The following KCNMB2 variants were observed in gnomAD, a reference collection of about 807,000 sequenced individuals.
The protein encoded by KCNMB2 is potassium calcium-activated channel subfamily M regulatory beta subunit 2, also known as calcium-activated potassium channel subunit beta-2.
In KCNMB2, 9 loss-of-function variants were observed where a neutral mutation model predicts 24.5. The observed-to-expected ratio is 0.37, with a 90% CI of 0.22 to 0.64. The LOEUF (loss-of-function observed/expected upper bound fraction) is 0.64. Among genes scored for constraint, KCNMB2 ranks in the 30% least tolerant of loss-of-function variants. The pLI is 0.63. For synonymous variants in KCNMB2, 109 were observed against 104.4 expected (o/e 1.04, Z -0.27); for missense variants, 226 against 284.3 (o/e 0.79, Z 1.47).
At chr3:178,840,222 G>A (rs1345898818) in intron 4 of KCNMB2, among the ~76,000 whole-genome samples, 1 of 152,124 alleles carries the variant, frequency 6.6e-6, no homozygotes, top group South Asian at 2.1e-4. Context: ...TCTCACATTC[G>A]GGGCACACTG....
intron 1 of KCNMB2, among the ~76,000 whole-genome samples, chr3:178,569,358 C>T (rs985671976): frequency 2.0e-5 from 3 of 152,156 alleles, no homozygotes; most frequent in Admixed American, 6.6e-5. Flanking sequence ...TTTACCACCT[C>T]GGTTCATGTA....
chr3:178,772,606 C>T (rs190845922), intron 1 of KCNMB2, among the ~76,000 whole-genome samples: 305 of 152,250 alleles, frequency 2.0e-3, no homozygotes, highest in Admixed American at 4.1e-3. Context: ...TGTAAATTAC[C>T]CAGTCTCAGG....
At chr3:178,595,781 A>G (rs554553635) in intron 1 of KCNMB2, among the ~76,000 whole-genome samples, 25 of 152,256 alleles carry the variant, frequency 1.6e-4, no homozygotes, top group African/African-American at 5.5e-4. Flanking sequence ...TGTCTTTATT[A>G]GCAGCATGAG....
At chr3:178,837,204 A>G (rs1435894429) in intron 4 of KCNMB2, among the ~76,000 whole-genome samples, 3 of 152,212 alleles carry the variant, frequency 2.0e-5, no homozygotes, top group African/African-American at 7.2e-5. Context: ...TTATTATGTG[A>G]TGCTTGATTG....
chr3:178,828,947 G>A (rs1714948298), intron 4 of KCNMB2, among the ~76,000 whole-genome samples: 1 of 147,332 alleles, frequency 6.8e-6, no homozygotes, highest in South Asian at 2.1e-4. Flanking sequence ...GTGTGTGTGT[G>A]TGTGTGTGTG....
intron 1 of KCNMB2, among the ~76,000 whole-genome samples, chr3:178,542,669 A>C (rs1162256723): frequency 6.6e-6 from 1 of 152,214 alleles, no homozygotes; most frequent in Non-Finnish European, 1.5e-5. Flanking sequence ...GAATCTAAAG[A>C]ATAGAATTTT....
At chr3:178,721,600 T>C (rs1314229506) in intron 1 of KCNMB2, among the ~76,000 whole-genome samples, 1 of 152,214 alleles carries the variant, frequency 6.6e-6, no homozygotes, top group African/African-American at 2.4e-5. Context: ...CAGAGCGCAA[T>C]TACTGGGTTC....
At chr3:178,755,785 T>C (rs531060989) in intron 1 of KCNMB2, among the ~76,000 whole-genome samples, 15 of 152,358 alleles carry the variant, frequency 9.8e-5, no homozygotes, top group African/African-American at 3.6e-4. Context: ...AACCGTTTTC[T>C]GAGTTGCACT....
intron 1 of KCNMB2, among the ~76,000 whole-genome samples, chr3:178,604,216 T>TA (rs1718196128): frequency 6.6e-6 from 1 of 152,148 alleles, no homozygotes; most frequent in Admixed American, 6.6e-5. Context: ...GAAAGGAAAT[T>TA]AAACCACAGA....
At chr3:178,569,149 T>C (rs1019575914) in intron 1 of KCNMB2, among the ~76,000 whole-genome samples, 1 of 152,150 alleles carries the variant, frequency 6.6e-6, no homozygotes, top group Non-Finnish European at 1.5e-5. Flanking sequence ...TTTTTCCCCA[T>C]GTATTAGGAA....
chr3:178,653,091 T>C (rs1379397452), intron 1 of KCNMB2, among the ~76,000 whole-genome samples: 3 of 152,178 alleles, frequency 2.0e-5, no homozygotes, highest in African/African-American at 7.2e-5. Context: ...TACAACATCA[T>C]CTTATCCATA....
chr3:178,781,736 A>G (rs1310687285), intron 1 of KCNMB2, among the ~76,000 whole-genome samples: 3 of 151,428 alleles, frequency 2.0e-5, no homozygotes, highest in Non-Finnish European at 4.4e-5. Context: ...GGCCTAAATC[A>G]TTTCTTTCAT....
chr3:178,765,678 CAT>C (rs1261260852), intron 1 of KCNMB2, among the ~76,000 whole-genome samples: 3 of 91,546 alleles, frequency 3.3e-5, no homozygotes, highest in Admixed American at 1.0e-4. Flanking sequence ...CATGTCCACA[CAT>C]GTGTGCACTG....
intron 1 of KCNMB2, among the ~76,000 whole-genome samples, chr3:178,765,694 G>A (rs1271309082): frequency 8.4e-6 from 1 of 118,952 alleles, no homozygotes; most frequent in Non-Finnish European, 1.7e-5. Flanking sequence ...TGCACTGGAG[G>A]AACAAGACTG....
intron 1 of KCNMB2, among the ~76,000 whole-genome samples, chr3:178,771,673 C>T (rs1210394992): frequency 1.3e-5 from 2 of 151,702 alleles, no homozygotes; most frequent in African/African-American, 2.4e-5. Context: ...ATGCACCTCC[C>T]CCACTTCCAT....
At position 178,786,805 on chromosome 3, in the gene KCNMB2, C is replaced by A. The variant is rs568788950; in HGVS notation, c.-67-20538C>A. Among the ~76,000 whole-genome samples, 36 of 144,490 alleles carry A rather than the reference C, an allele frequency of 2.5e-4. 2 individuals carry two copies. The South Asian group carries it at 7.1e-3, about 28-fold the overall frequency. 94.8% of individuals were successfully genotyped at this position (144,490 alleles called of 152,430 possible). ...CTCATGTAATATGACTCACCTAAAG[C>A]CAAAAAATAAAAAAACCTACTTGCA... On this transcript the variant is annotated intron_variant, in intron 1 of 4. Coordinates refer to ENST00000452583, the MANE Select transcript of KCNMB2 (RefSeq NM_181361.3).
chr3:178,704,821 T>TC (rs1428357148), intron 1 of KCNMB2, among the ~76,000 whole-genome samples: 2 of 152,080 alleles, frequency 1.3e-5, no homozygotes, highest in African/African-American at 4.8e-5. Flanking sequence ...ATTCACAGGG[T>TC]CGTTTCATTA....
At chr3:178,709,270 C>T (rs1039345062) in intron 1 of KCNMB2, among the ~76,000 whole-genome samples, 1 of 152,156 alleles carries the variant, frequency 6.6e-6, no homozygotes, top group African/African-American at 2.4e-5. Flanking sequence ...GAACGCGAAA[C>T]AGAAAATGTA....
At chr3:178,542,873 G>A (rs531915711) in intron 1 of KCNMB2, among the ~76,000 whole-genome samples, 10 of 152,238 alleles carry the variant, frequency 6.6e-5, no homozygotes, top group South Asian at 6.2e-4. Context: ...CCAGTTCTGC[G>A]TCTTGCCTGA....
Sources: allele counts gnomAD v4.1 joint callset (sites outside exome capture counted in the v4.1 genomes callset), GRCh38; gene constraint gnomAD v4.1.1; transcripts MANE v1.5; gene names NCBI Gene and HGNC (gene_info 2026-07-23, HGNC 2026-07-21).